Variants in SLC38A8 observed in about 807,000 individuals in gnomAD.
The protein encoded by SLC38A8 is solute carrier family 38 member 8.
In SLC38A8, 65 loss-of-function variants were observed where a neutral mutation model predicts 46.0. The observed-to-expected ratio is 1.41, with a 90% CI of 1.16 to 1.74. SLC38A8 has a LOEUF of 1.74. Ranked by LOEUF, SLC38A8 falls within the 40% of genes most tolerant of loss-of-function variation. The pLI, the probability that SLC38A8 is intolerant of heterozygous loss-of-function variation, is 0.00. For synonymous variants in SLC38A8, 447 were observed against 243.7 expected, an observed-to-expected ratio of 1.83 and a Z score of -7.77; for missense variants, 998 against 567.9, an observed-to-expected ratio of 1.76 and a Z score of -7.70.
intron 5 of SLC38A8, 92 bp downstream of exon 5, chr16:84,031,775 C>G (rs1041313017): frequency 1.0e-5 from 11 of 1,091,252 alleles, no homozygotes; most frequent in Middle Eastern, 2.8e-4. Flanking sequence ...CTGCAGTGAG[C>G]CACGAGAGGC....
chr16:84,013,647 T>C (rs2151112252), intron 9 of SLC38A8, among the ~76,000 whole-genome samples: 2 of 151,914 alleles, frequency 1.3e-5, no homozygotes. Flanking sequence ...GTCAGGATGG[T>C]CTGGACCTCT....
intron 5 of SLC38A8, among the ~76,000 whole-genome samples, chr16:84,029,953 T>G (rs569411952): frequency 2.6e-5 from 4 of 152,178 alleles, no homozygotes; most frequent in African/African-American, 9.6e-5. Flanking sequence ...CCAAGCCACC[T>G]AAGAGGACAG....
intron 2 of SLC38A8, among the ~76,000 whole-genome samples, chr16:84,038,677 G>T (rs532482828): frequency 2.6e-5 from 4 of 152,284 alleles, no homozygotes. Context: ...GCTACCCACA[G>T]GCGGAACATC....
chr16:84,017,025 C>G, intron 8 of SLC38A8, 115 bp downstream of exon 8: 2 of 1,399,808 alleles, frequency 1.4e-6, no homozygotes, highest in Admixed American at 4.8e-5. Flanking sequence ...CTCCTGTCTA[C>G]AATTGGAGAG....
At chr16:84,037,301 G>A (rs929810851) in intron 2 of SLC38A8, among the ~76,000 whole-genome samples, 2 of 152,232 alleles carry the variant, frequency 1.3e-5, no homozygotes, top group African/African-American at 2.4e-5. Context: ...CCGGGCTCAG[G>A]TTCTAACCAC....
intron 6 of SLC38A8, among the ~76,000 whole-genome samples, chr16:84,024,965 GCCA>G (rs1379221044): frequency 7.9e-5 from 12 of 152,044 alleles, no homozygotes; most frequent in African/African-American, 2.9e-4. Flanking sequence ...ACAGGCGTGA[GCCA>G]CCAAGCCCAG....
chr16:84,039,743 CAAAAAAA>C (rs56074069), intron 2 of SLC38A8, among the ~76,000 whole-genome samples: 81 of 85,806 alleles, frequency 9.4e-4, no homozygotes, highest in African/African-American at 3.3e-3. Context: ...GTGAGACCTT[CAAAAAAA>C]AAAAAAAAAA....
At chr16:84,040,796 G>A (rs967801005) in intron 2 of SLC38A8, among the ~76,000 whole-genome samples, 1 of 151,964 alleles carries the variant, frequency 6.6e-6, no homozygotes, top group Admixed American at 6.6e-5. Flanking sequence ...TGACCCTCCC[G>A]GCATGATCCA....
intron 9 of SLC38A8, among the ~76,000 whole-genome samples, chr16:84,013,913 C>T (rs1231564836): frequency 6.6e-6 from 1 of 152,168 alleles, no homozygotes; most frequent in African/African-American, 2.4e-5. Context: ...CAGCCCAGAC[C>T]AGGGAGTGTG....
At position 84,031,940 on chromosome 16, in the gene SLC38A8, G is replaced by C. The variant is rs1331208387; in HGVS notation, c.559C>G (p.Leu187Val). Residue 187 changes from leucine (L) to valine (V), a missense_variant, in exon 5 of 11, where the codon CTG becomes GTG. Coordinates refer to ENST00000299709, the MANE Select transcript of SLC38A8 (RefSeq NM_001080442.3). ...TACTGCACGGTGATGACCAGGGCCA[G>C]GTAACAGGCAGCCAGAGTGCCTAGG... is the stretch of plus-strand genomic sequence containing the variant. ...SILGTLAACY[L>V]ALVITVQYYL... is the part of the protein sequence containing the mutation. 6.2e-7 allele frequency: 1 copy of C among 1,614,112 alleles called. No individual in the cohort carries two copies. The highest frequency in any genetic ancestry group is 1.3e-5 in the African/African-American group (1 of 74,958).
At chr16:84,022,676 G>A in intron 7 of SLC38A8, 99 bp downstream of exon 7, 1 of 890,862 alleles carries the variant, frequency 1.1e-6, no homozygotes, top group African/African-American at 1.7e-5. Context: ...TGAGTATTGA[G>A]CCCAGCACGT....
rs763380909 is a variant in SLC38A8, at chr16:84,017,202, C to G, written c.891G>C (p.Val297=). 1 of 1,614,104 alleles carries G rather than the reference C, an allele frequency of 6.2e-7. No individual in the cohort carries two copies. The highest frequency in any genetic ancestry group is 1.1e-5 in the South Asian group (1 of 91,074). Residue 297 remains valine, a synonymous_variant, in exon 8 of 11, where the codon GTG becomes GTC. Transcript: ENST00000299709. ...TGGAGACAGCAAAAAGGACCCGGGC[C>G]ACAATGATGACCATATCATTGCCTG... ...SYPGNDMVII[V]ARVLFAVSIV...
chr16:84,023,838 G>A lies in SLC38A8; in HGVS notation c.691-949C>T, dbSNP rs2085126043. Among the ~76,000 whole-genome samples, 9 of 152,332 alleles carry A rather than the reference G, an allele frequency of 5.9e-5. No homozygotes were observed. The South Asian group carries it at 1.9e-3, about 32-fold the overall frequency. The stretch of plus-strand genomic sequence containing the variant: ...GAATTCGGGAGGCGGAGGTTGCAGT[G>A]AGCCAAGATCGTGCCACTGCACTCC... On this transcript the variant is annotated intron_variant, in intron 6 of 10. Coordinates refer to ENST00000299709, the MANE Select transcript of SLC38A8 (RefSeq NM_001080442.3).
chr16:84,018,762 G>C (rs909886835), intron 7 of SLC38A8, among the ~76,000 whole-genome samples: 6 of 152,150 alleles, frequency 3.9e-5, no homozygotes, highest in Non-Finnish European at 7.3e-5. Flanking sequence ...GCCGAAATGA[G>C]ATGCTTTTAT....
intron 6 of SLC38A8, among the ~76,000 whole-genome samples, chr16:84,025,029 T>G (rs557816969): frequency 1.3e-5 from 2 of 152,248 alleles, no homozygotes; most frequent in East Asian, 3.9e-4. Context: ...CAAGAGCCCA[T>G]GAGTCATGTG....
rs370798221 is a variant in SLC38A8, at chr16:84,021,939, CTCT to C, written c.805+833_805+835del. On this transcript the variant is annotated intron_variant, in intron 7 of 10. Transcript: ENST00000299709. ...GGGCTGAGTGTGTGAGCCCAGGTCT[CTCT>C]TCTTCTTCTTATAAAGCCACCAGCC... is the stretch of plus-strand genomic sequence containing the variant. 3.5e-4 allele frequency among the ~76,000 whole-genome samples: 54 copies of C among 152,242 alleles called. No individual in the cohort carries two copies. The East Asian group carries it at 6.0e-3, about 17-fold the overall frequency.
Position 84,009,798 on chromosome 16 carries a change from A to T in SLC38A8, c.1294T>A (p.Trp432Arg), listed in dbSNP as rs1207987625. Residue 432 changes from tryptophan (W) to arginine (R), a missense_variant, in exon 11 of 11, where the codon TGG (tryptophan) becomes AGG (arginine). By Grantham distance (101) the Trp-to-Arg change is moderately radical (BLOSUM62 -3). Transcript: ENST00000299709. ...CTAGCTGCCCATCAGAACATCTCCC[A>T]GACCGCTGCCGCCGTGCTCTGCCCA... ...IFGQSTAAAV[W>R]EMF 2 of 1,613,840 alleles carry T rather than the reference A, an allele frequency of 1.2e-6. No homozygotes were observed. Among genetic ancestry groups the T allele is most frequent in the East Asian group, 4.5e-5 (2 of 44,874 alleles).
At chr16:84,018,890 G>T (rs1329001255) in intron 7 of SLC38A8, among the ~76,000 whole-genome samples, 1 of 152,148 alleles carries the variant, frequency 6.6e-6, no homozygotes, top group Non-Finnish European at 1.5e-5. Flanking sequence ...AAAACTAGCA[G>T]AAGCTAAGGC....
intron 10 of SLC38A8, among the ~76,000 whole-genome samples, chr16:84,012,373 A>G (rs907920839): frequency 1.3e-5 from 2 of 152,222 alleles, no homozygotes; most frequent in African/African-American, 2.4e-5. Context: ...TCGGGGATAA[A>G]TATTTGTCAA....
Sources: gnomAD v4.1 joint callset for allele counts (sites outside exome capture counted in the v4.1 genomes callset) on GRCh38, gnomAD v4.1.1 for gene constraint, MANE v1.5 for transcripts, NCBI Gene and HGNC (gene_info 2026-07-23, HGNC 2026-07-21) for gene names.